Variants in EPM2A observed in about 807,000 individuals in gnomAD.
The protein encoded by EPM2A is laforin.
A neutral mutation model predicts 26.5 loss-of-function variants in EPM2A; 21 were observed. The observed-to-expected ratio is 0.79, with a 90% CI of 0.56 to 1.14. The LOEUF is 1.14. Among genes scored for constraint, EPM2A ranks in the 50% most tolerant of loss-of-function variants. EPM2A has a pLI of 0.00. For missense variants in EPM2A, 458 were observed against 440.8 expected (o/e 1.04, Z -0.35); for synonymous variants, 217 against 177.6 (o/e 1.22, Z -1.76).
chr6:145,733,993 G>C (rs1776659483), intron 1 of EPM2A, among the ~76,000 whole-genome samples: 1 of 152,052 alleles, frequency 6.6e-6, no homozygotes, highest in African/African-American at 2.4e-5. Flanking sequence ...CACTGTTGGC[G>C]GGAGCCGACA....
At chr6:145,502,547 G>C (rs753928527) in exon 3 of EPM2A, 9 of 470,596 alleles carry the variant, frequency 1.9e-5, no homozygotes, top group Non-Finnish European at 4.0e-5. Context: ...ACATCCCCGA[G>C]CAGCACATGT....
chr6:145,532,696 T>C (rs1177160556), intron 2 of EPM2A, among the ~76,000 whole-genome samples: 1 of 152,178 alleles, frequency 6.6e-6, no homozygotes, highest in Non-Finnish European at 1.5e-5. Flanking sequence ...TCAGTGTACA[T>C]GATTCATCTG....
At chr6:145,507,250 C>T (rs1779988937) in intron 2 of EPM2A, among the ~76,000 whole-genome samples, 1 of 152,150 alleles carries the variant, frequency 6.6e-6, no homozygotes, top group African/African-American at 2.4e-5. Flanking sequence ...TTTTAGGATG[C>T]CTCGGCCACT....
chr6:145,648,473 GACCATA>G (rs993347365), intron 2 of EPM2A, among the ~76,000 whole-genome samples: 1 of 152,094 alleles, frequency 6.6e-6, no homozygotes, highest in African/African-American at 2.4e-5. Context: ...ATAACCCATG[GACCATA>G]ACCATAAGTT....
chr6:145,709,343 A>G (rs1782407835), intron 1 of EPM2A, among the ~76,000 whole-genome samples: 1 of 152,132 alleles, frequency 6.6e-6, no homozygotes, highest in African/African-American at 2.4e-5. Context: ...CATAATTCCC[A>G]TATCTCATGG....
intron 4 of EPM2A, among the ~76,000 whole-genome samples, chr6:145,417,939 C>T (rs1449347687): frequency 1.3e-5 from 2 of 152,144 alleles, no homozygotes; most frequent in Non-Finnish European, 2.9e-5. Flanking sequence ...ACCTGGACCC[C>T]ATCACCAAGA....
chr6:145,657,059 A>G (rs2128583722), intron 2 of EPM2A, among the ~76,000 whole-genome samples: 1 of 151,794 alleles, frequency 6.6e-6, no homozygotes, highest in African/African-American at 2.4e-5. Flanking sequence ...AGAAATTATA[A>G]TAAGGAAAAA....
chr6:145,515,322 G>T lies in EPM2A; in HGVS notation c.341-12747C>A, dbSNP rs974320652. On this transcript the variant is annotated intron_variant, in intron 2 of 3. Transcript: ENST00000450221. The stretch of plus-strand genomic sequence containing the variant: ...TGGGTGGCCTACTGAAATCTTACTT[G>T]GTCTGTGTAAACCAAAATTTCTAGG... 7.7e-4 allele frequency among the ~76,000 whole-genome samples: 117 copies of T among 152,188 alleles called. 1 individual carries two copies. Among genetic ancestry groups the T allele is most frequent in the African/African-American group, 2.7e-3 (114 of 41,510 alleles).
chr6:145,423,919 GTTA>G (rs1327756595), intron 4 of EPM2A, among the ~76,000 whole-genome samples: 3 of 152,222 alleles, frequency 2.0e-5, no homozygotes, highest in Non-Finnish European at 4.4e-5. Flanking sequence ...TGTAGAATAT[GTTA>G]TTGGGCTGGG....
At chr6:145,705,098 G>GTT (rs1782139823) in intron 1 of EPM2A, among the ~76,000 whole-genome samples, 1 of 152,172 alleles carries the variant, frequency 6.6e-6, no homozygotes, top group Non-Finnish European at 1.5e-5. Context: ...GACAGGCATT[G>GTT]TTTTTGGTCC....
intron 4 of EPM2A, among the ~76,000 whole-genome samples, chr6:145,394,704 C>T (rs1449264839): frequency 6.6e-6 from 1 of 152,104 alleles, no homozygotes; most frequent in African/African-American, 2.4e-5. Flanking sequence ...GTCTGGCATA[C>T]CTTCTAACAC....
At chr6:145,457,448 C>T (rs1263588808) in intron 4 of EPM2A, among the ~76,000 whole-genome samples, 1 of 145,768 alleles carries the variant, frequency 6.9e-6, no homozygotes. Flanking sequence ...CATGCCACTG[C>T]ACCTCAGCCT....
At chr6:145,523,555 A>G (rs1780231725) in intron 2 of EPM2A, among the ~76,000 whole-genome samples, 1 of 152,210 alleles carries the variant, frequency 6.6e-6, no homozygotes, top group South Asian at 2.1e-4. Context: ...TTGAGGTACC[A>G]TGAACCATAC....
In EPM2A at chr6:145,389,095, T is replaced by C. The variant is rs144756625; in HGVS notation, c.556-4998A>G. 2.3e-3 allele frequency among the ~76,000 whole-genome samples: 344 copies of C among 152,258 alleles called. 1 individual carries two copies. The highest frequency in any genetic ancestry group is 8.0e-3 in the African/African-American group (334 of 41,564). On this transcript the variant is annotated intron_variant, in intron 4 of 4. Transcript: ENST00000638717. The stretch of plus-strand genomic sequence containing the variant: ...TTGAGGAATCGCCACACTAATTTCT[T>C]ACAAAATATTAGTTTCTCAATTGGG...
At chr6:145,453,635 T>C (rs1261106149) in intron 4 of EPM2A, among the ~76,000 whole-genome samples, 2 of 152,214 alleles carry the variant, frequency 1.3e-5, no homozygotes, top group Admixed American at 6.5e-5. Flanking sequence ...TCCTTTTTAA[T>C]TCCCTCACTG....
At chr6:145,400,697 C>G (rs533078087) in intron 4 of EPM2A, among the ~76,000 whole-genome samples, 4 of 152,292 alleles carry the variant, frequency 2.6e-5, no homozygotes, top group African/African-American at 9.6e-5. Flanking sequence ...AGGCAACATC[C>G]ATTTTTGCTT....
intron 2 of EPM2A, among the ~76,000 whole-genome samples, chr6:145,679,094 T>C (rs928075707): frequency 6.6e-6 from 1 of 152,146 alleles, no homozygotes; most frequent in Non-Finnish European, 1.5e-5. Context: ...GTTCATGTCC[T>C]TTGCAGGGAC....
At chr6:145,389,839 G>A (rs1041468492) in intron 4 of EPM2A, among the ~76,000 whole-genome samples, 3 of 152,050 alleles carry the variant, frequency 2.0e-5, no homozygotes, top group African/African-American at 4.8e-5. Flanking sequence ...CAATGATGAC[G>A]GCCAATTTAC....
chr6:145,551,016 A>G (rs1041751836), intron 2 of EPM2A, among the ~76,000 whole-genome samples: 2 of 152,050 alleles, frequency 1.3e-5, no homozygotes. Context: ...ACAGCGAATA[A>G]GGTCTCCTGC....
Sources: gnomAD v4.1 joint callset for allele counts (sites outside exome capture counted in the v4.1 genomes callset) on GRCh38, gnomAD v4.1.1 for gene constraint, MANE v1.5 for transcripts, NCBI Gene and HGNC (gene_info 2026-07-23, HGNC 2026-07-21) for gene names.